Variants in PHACTR2 observed in about 807,000 individuals in gnomAD.
PHACTR2 encodes the protein chromosome 6 open reading frame 56.
PHACTR2 carries 30 observed loss-of-function variants against 76.0 expected under a neutral mutation model. That is an observed-to-expected ratio of 0.39 (90% CI 0.30 to 0.54). The LOEUF (loss-of-function observed/expected upper bound fraction) is 0.54. Ranked by LOEUF, PHACTR2 falls within the 20% of genes least tolerant of loss-of-function variation. The pLI is 0.61. For missense variants in PHACTR2, 696 were observed against 781.1 expected (o/e 0.89, Z 1.30); for synonymous variants, 292 against 292.5 (o/e 1.00, Z 0.02).
rs2328516 is a variant in PHACTR2, at chr6:143,794,899, C to T, written c.1845+5989C>T. The stretch of plus-strand genomic sequence containing the variant: ...TCTTATCTTAGTGCCATTTTCTTAG[C>T]CCCATTAAGCTACCACCTTGCATTT... On this transcript the variant is annotated intron_variant, in intron 11 of 12. Coordinates refer to ENST00000440869, the MANE Select transcript of PHACTR2 (RefSeq NM_001100164.2). This position sits in a 1 kb window ranked among gnomAD's most constrained non-coding sequence, Gnocchi z 4.1. 0.29 allele frequency among the ~76,000 whole-genome samples: 44,306 copies of T among 151,992 alleles called. 6,438 individuals carry two copies. Among genetic ancestry groups the T allele is most frequent in the Admixed American group, 0.34 (5,241 of 15,260 alleles).
At chr6:143,741,418 G>A (rs943014747) in intron 2 of PHACTR2, among the ~76,000 whole-genome samples, 7 of 152,152 alleles carry the variant, frequency 4.6e-5, no homozygotes, top group African/African-American at 1.4e-4. Flanking sequence ...GCTTGAACCC[G>A]GGAGGCAGAG....
At position 143,830,151 on chromosome 6, in the gene PHACTR2, G is replaced by A. The variant is rs1159285965; in HGVS notation, c.*6462G>A. The A allele has an allele frequency of 6.6e-6, 1 of 151,736 alleles. No homozygotes were observed. Among genetic ancestry groups the A allele is most frequent in the Non-Finnish European group, 1.5e-5 (1 of 67,970 alleles). 9.4% of individuals were successfully genotyped at this position (151,736 alleles called of 1,614,324 possible). A position where few individuals can be genotyped will look rare whatever the true frequency, so the allele number is the denominator to read the frequency against. ...ACCACTTTCATCCCTTAAAATATAGGGACTAATATTTCTTTTTCTTTTTTT... is the reference window on the plus strand; with the variant it reads ...ACCACTTTCATCCCTTAAAATATAGAGACTAATATTTCTTTTTCTTTTTTT... On this transcript the variant is annotated 3_prime_UTR_variant, in exon 13 of 13. Transcript: ENST00000440869.
rs1211087454 is a variant in PHACTR2, at chr6:143,543,640, G to A, written c.217+6433G>A. Among the ~76,000 whole-genome samples, 1 of 152,130 alleles carries A rather than the reference G, an allele frequency of 6.6e-6. No individual in the cohort carries two copies. Among genetic ancestry groups the A allele is most frequent in the East Asian group, 1.9e-4 (1 of 5,202 alleles). On this transcript the variant is annotated intron_variant, in intron 1 of 11. Transcript: ENST00000367584. This position sits in a 1 kb window ranked among gnomAD's most constrained non-coding sequence, Gnocchi z 4.7. The stretch of plus-strand genomic sequence containing the variant: ...GGGGAGGAAGAGTGTTTGGGGATGG[G>A]AAACAGTACATGTAAAAGGCCTGAA...
rs937534338 is a variant in PHACTR2, at chr6:143,733,628, A to G, written c.215-15357A>G. On this transcript the variant is annotated intron_variant, in intron 2 of 12. Transcript: ENST00000440869. The surrounding 1 kb of genome is among the most constrained non-coding windows in gnomAD (Gnocchi z 4.0). ...ACCCTGAAAAGCCATAACAGACTAA[A>G]TGAATATTTTACCAATTTAGTGGGT... 1.8e-4 allele frequency among the ~76,000 whole-genome samples: 27 copies of G among 152,186 alleles called. No homozygotes were observed. Among genetic ancestry groups the G allele is most frequent in the Non-Finnish European group, 1.2e-4 (8 of 68,040 alleles).
Position 143,830,280 on chromosome 6 carries a change from C to CTTTTTTT in PHACTR2, c.*6603_*6609dup, listed in dbSNP as rs565232785. 2 of 118,290 alleles carry CTTTTTTT rather than the reference C, an allele frequency of 1.7e-5. No homozygotes were observed. The highest frequency in any genetic ancestry group is 8.4e-5 in the Admixed American group (1 of 11,874). 7.3% of individuals were successfully genotyped at this position (118,290 alleles called of 1,614,324 possible). A position where few individuals can be genotyped will look rare whatever the true frequency, so the allele number is the denominator to read the frequency against. On this transcript the variant is annotated 3_prime_UTR_variant, in exon 13 of 13. Coordinates refer to ENST00000440869, the MANE Select transcript of PHACTR2 (RefSeq NM_001100164.2). ...ACCTATTAAAAATTCAAACAAGTTT[C>CTTTTTTT]TTTTTTTTTTTTTTTTTTCTGTGTA...
chr6:143,642,797 G>A (rs1776591424), intron 1 of PHACTR2, among the ~76,000 whole-genome samples: 1 of 152,188 alleles, frequency 6.6e-6, no homozygotes, highest in Admixed American at 6.5e-5. Context: ...GAAACTAGGA[G>A]AGGGACATGG....
intron 1 of PHACTR2, among the ~76,000 whole-genome samples, chr6:143,704,564 G>A (rs145407262): frequency 6.6e-5 from 10 of 152,186 alleles, no homozygotes; most frequent in East Asian, 1.9e-4. Context: ...TTTTAGATTC[G>A]CAGAAAAGCT....
chr6:143,565,765 G>A (rs1775354847), intron 1 of PHACTR2, among the ~76,000 whole-genome samples: 1 of 152,122 alleles, frequency 6.6e-6, no homozygotes, highest in Non-Finnish European at 1.5e-5. Context: ...AAGGAGGTAG[G>A]AGGGCCCCAG....
In PHACTR2 at chr6:143,551,275, A is replaced by T. The variant is rs1053335558; in HGVS notation, c.217+14068A>T. On this transcript the variant is annotated intron_variant, in intron 1 of 11. Coordinates refer to the PHACTR2 transcript ENST00000367584. ...CTGTGTATACACTGTATTTTTTTCCATTCATACATACCTATGATAGAGTTT... is the reference window on the plus strand; with the variant it reads ...CTGTGTATACACTGTATTTTTTTCCTTTCATACATACCTATGATAGAGTTT... Among the ~76,000 whole-genome samples the T allele has an allele frequency of 1.3e-4, 20 of 151,706 alleles. 1 individual carries two copies. Among genetic ancestry groups the T allele is most frequent in the African/African-American group, 4.6e-4 (19 of 41,262 alleles).
chr6:143,642,243 A>G (rs1234067780), intron 1 of PHACTR2, among the ~76,000 whole-genome samples: 1 of 152,214 alleles, frequency 6.6e-6, no homozygotes, highest in Non-Finnish European at 1.5e-5. Flanking sequence ...GTTTTTGAAG[A>G]TCCAGCTTCT....
In PHACTR2 at chr6:143,597,444, A is replaced by G. The variant is rs533919090; in HGVS notation, c.217+60237A>G. Among the ~76,000 whole-genome samples the G allele has an allele frequency of 6.6e-6, 1 of 152,348 alleles. No homozygotes were observed. The highest frequency in any genetic ancestry group is 1.9e-4 in the East Asian group (1 of 5,186). ...TCCTCTACCCACAGACCATCCTAAA[A>G]ATAAAGTGAAATCCCTACTCTCTAC... is the stretch of plus-strand genomic sequence containing the variant. On this transcript the variant is annotated intron_variant, in intron 1 of 11. Coordinates refer to the PHACTR2 transcript ENST00000367584. The surrounding 1 kb of genome is among the most constrained non-coding windows in gnomAD (Gnocchi z 5.7).
At position 143,546,874 on chromosome 6, in the gene PHACTR2, TAAA is replaced by T. The variant is rs1299958645; in HGVS notation, c.217+9671_217+9673del. On this transcript the variant is annotated intron_variant, in intron 1 of 11. Transcript: ENST00000367584. This position sits in a 1 kb window ranked among gnomAD's most constrained non-coding sequence, Gnocchi z 4.9. ...GACCCCATCTCAAAAAAAAAAAAAATAAAAAATAAAAAATTAGCCAGGTGAACT... is the reference window on the plus strand; with the variant it reads ...GACCCCATCTCAAAAAAAAAAAAAATAAATAAAAAATTAGCCAGGTGAACT... 1.5e-5 allele frequency among the ~76,000 whole-genome samples: 2 copies of T among 136,006 alleles called. No individual in the cohort carries two copies. Among genetic ancestry groups the T allele is most frequent in the African/African-American group, 5.6e-5 (2 of 35,920 alleles). The allele number at this position is 136,006 out of a possible 152,430, so 89.2% of individuals were successfully genotyped here.
At chr6:143,560,963 T>C (rs995289076) in intron 1 of PHACTR2, among the ~76,000 whole-genome samples, 1 of 146,458 alleles carries the variant, frequency 6.8e-6, no homozygotes, top group East Asian at 2.0e-4. Context: ...TGTCAAGAGT[T>C]GACAGGAGTT....
upstream of PHACTR2, among the ~76,000 whole-genome samples, chr6:143,603,784 G>A (rs1156281925): frequency 6.6e-6 from 1 of 152,148 alleles, no homozygotes; most frequent in Non-Finnish European, 1.5e-5. Flanking sequence ...ATTTGTAAAA[G>A]CAGTGGCTCA....
Position 143,776,092 on chromosome 6 carries a change from C to A in PHACTR2, c.1590-1236C>A, listed in dbSNP as rs554749314. Among the ~76,000 whole-genome samples, 7 of 151,984 alleles carry A rather than the reference C, an allele frequency of 4.6e-5. No individual in the cohort carries two copies. The highest frequency in any genetic ancestry group is 4.6e-4 in the Admixed American group (7 of 15,264). On this transcript the variant is annotated intron_variant, in intron 8 of 12. Transcript: ENST00000440869. This position sits in a 1 kb window ranked among gnomAD's most constrained non-coding sequence, Gnocchi z 5.3. ...CCGAGATTGTACCACTGCACACCAG[C>A]CTGGGCAACAGAGTGAGACTCCATC...
Position 143,739,551 on chromosome 6 carries a change from T to G in PHACTR2, c.215-9434T>G, listed in dbSNP as rs1314906774. Among the ~76,000 whole-genome samples the G allele has an allele frequency of 6.6e-6, 1 of 152,224 alleles. No homozygotes were observed. The highest frequency in any genetic ancestry group is 2.1e-4 in the South Asian group (1 of 4,836). On this transcript the variant is annotated intron_variant, in intron 2 of 12. Transcript: ENST00000440869. The surrounding 1 kb of genome is among the most constrained non-coding windows in gnomAD (Gnocchi z 4.3). ...AAATGGAAACACGCAAGCTTTTCTT[T>G]GAACTAGATGAATTCAAAAACACCT...
At chr6:143,692,097 CCACTG>C (rs2128456315) in intron 1 of PHACTR2, among the ~76,000 whole-genome samples, 1 of 152,240 alleles carries the variant, frequency 6.6e-6, no homozygotes, top group East Asian at 1.9e-4. Flanking sequence ...CTATGGAAGG[CCACTG>C]TTCGTTGCCT....
intron 2 of PHACTR2, among the ~76,000 whole-genome samples, chr6:143,717,333 C>T (rs532371577): frequency 2.0e-5 from 3 of 152,308 alleles, no homozygotes; most frequent in African/African-American, 7.2e-5. Context: ...TTTGCCTGTA[C>T]TCCTGTTAGG....
At chr6:143,630,385 A>G (rs1776342949) in intron 1 of PHACTR2, among the ~76,000 whole-genome samples, 1 of 151,882 alleles carries the variant, frequency 6.6e-6, no homozygotes, top group Non-Finnish European at 1.5e-5. Flanking sequence ...TTTAAATTAA[A>G]TACAATTGTA....
Sources: gnomAD v4.1 joint callset for allele counts (sites outside exome capture counted in the v4.1 genomes callset) on GRCh38, gnomAD v4.1.1 for gene constraint, Gnocchi (gnomAD v3.1) non-coding constraint, MANE v1.5 for transcripts, NCBI Gene and HGNC (gene_info 2026-07-23, HGNC 2026-07-21) for gene names.